FRMD5: variants seen among roughly 807,000 people sequenced by gnomAD.
The protein encoded by FRMD5 is FERM domain-containing protein 5.
Under a neutral mutation model 69.0 loss-of-function variants are expected in FRMD5, and 20 were observed. That is an observed-to-expected ratio of 0.29 (90% confidence interval 0.20 to 0.42). The LOEUF is 0.42. Among genes scored for constraint, FRMD5 ranks in the 10% least tolerant of loss-of-function variants. The pLI is 1.00. For missense variants in FRMD5, 595 were observed against 708.6 expected (o/e 0.84, Z 1.82); for synonymous variants, 271 against 260.1 (o/e 1.04, Z -0.40).
chr15:44,063,484 C>T, intron 1 of FRMD5: 1 of 278,378 alleles, frequency 3.6e-6, no homozygotes, highest in Admixed American at 4.5e-5. Context: ...TCTTCTTGTG[C>T]AGGGCCAGCT....
chr15:44,194,859 G>C (rs1396671164), intron 1 of FRMD5, 94 bp downstream of exon 1: 6 of 1,051,610 alleles, frequency 5.7e-6, no homozygotes, highest in Non-Finnish European at 7.0e-6. Context: ...CTGGGGCTGG[G>C]GCGACCCCTG....
At chr15:44,015,297 G>A (rs1890906563) in intron 1 of FRMD5, among the ~76,000 whole-genome samples, 1 of 152,030 alleles carries the variant, frequency 6.6e-6, no homozygotes, top group African/African-American at 2.4e-5. Context: ...CACCATGCCT[G>A]GCTACATTTT....
chr15:43,894,693 G>A (rs768128844), intron 7 of FRMD5, among the ~76,000 whole-genome samples: 2 of 152,052 alleles, frequency 1.3e-5, no homozygotes, highest in South Asian at 2.1e-4. Context: ...GGGAGGCAGC[G>A]GAGGGCCCCC....
At chr15:43,944,473 G>A (rs184333482) in intron 1 of FRMD5, among the ~76,000 whole-genome samples, 2 of 152,128 alleles carry the variant, frequency 1.3e-5, no homozygotes, top group African/African-American at 2.4e-5. Flanking sequence ...CCAGGCTGGA[G>A]TGCAGTGGCG....
At chr15:43,958,113 T>C (rs999167992) in intron 1 of FRMD5, among the ~76,000 whole-genome samples, 5 of 152,238 alleles carry the variant, frequency 3.3e-5, no homozygotes, top group African/African-American at 4.8e-5. Flanking sequence ...ATACAGTGTA[T>C]ACTCCCCTTT....
intron 1 of FRMD5, among the ~76,000 whole-genome samples, chr15:43,930,253 G>A (rs868685572): frequency 6.6e-6 from 1 of 152,352 alleles, no homozygotes; most frequent in South Asian, 2.1e-4. Context: ...GCAGCTAGAA[G>A]AGCAGCCAGC....
intron 13 of FRMD5, among the ~76,000 whole-genome samples, chr15:43,879,022 C>T (rs1055539282): frequency 2.7e-5 from 4 of 149,240 alleles, no homozygotes; most frequent in African/African-American, 9.9e-5. Flanking sequence ...ACTGCAGCCT[C>T]CGACCCCCGG....
intron 6 of FRMD5, among the ~76,000 whole-genome samples, chr15:43,902,830 G>A (rs1007942916): frequency 1.3e-5 from 2 of 152,194 alleles, no homozygotes; most frequent in African/African-American, 4.8e-5. Context: ...GCTGGAAGCA[G>A]GTCATAGGCT....
chr15:44,195,369 C>A (rs536136858), upstream of FRMD5: 1 of 417,126 alleles, frequency 2.4e-6, no homozygotes. Context: ...GAGTGGCAGA[C>A]CGAAAAGCCA....
intron 1 of FRMD5, among the ~76,000 whole-genome samples, chr15:43,933,449 G>A (rs530684831): frequency 6.6e-6 from 1 of 152,320 alleles, no homozygotes; most frequent in Admixed American, 6.5e-5. Context: ...GGTCTGCTGT[G>A]GGGCCTGGGA....
At chr15:43,908,827 G>C (rs1001075385) in intron 5 of FRMD5, among the ~76,000 whole-genome samples, 1 of 152,124 alleles carries the variant, frequency 6.6e-6, no homozygotes, top group Non-Finnish European at 1.5e-5. Context: ...TTGTTACTTG[G>C]AAACACTTTC....
At chr15:44,005,191 A>C (rs1289791131) in intron 1 of FRMD5, among the ~76,000 whole-genome samples, 1 of 152,192 alleles carries the variant, frequency 6.6e-6, no homozygotes, top group Non-Finnish European at 1.5e-5. Flanking sequence ...GCTATAAAGA[A>C]ATACCTGAGG....
intron 1 of FRMD5, among the ~76,000 whole-genome samples, chr15:44,037,801 A>C (rs1480770039): frequency 6.6e-6 from 1 of 151,472 alleles, no homozygotes; most frequent in Non-Finnish European, 1.5e-5. Flanking sequence ...AATGATTTAT[A>C]ATCCTTTGGT....
At chr15:43,971,623 G>T (rs2090380009) in intron 1 of FRMD5, among the ~76,000 whole-genome samples, 1 of 143,710 alleles carries the variant, frequency 7.0e-6, no homozygotes, top group African/African-American at 2.6e-5. Flanking sequence ...GGTGGAGGTT[G>T]CATCTAAAAA....
intron 1 of FRMD5, among the ~76,000 whole-genome samples, chr15:44,031,384 T>A (rs927015199): frequency 6.6e-6 from 1 of 152,166 alleles, no homozygotes; most frequent in Non-Finnish European, 1.5e-5. Flanking sequence ...CTGGGTGGCT[T>A]ATAAACAACA....
chr15:44,042,466 A>T (rs945556661), intron 1 of FRMD5, among the ~76,000 whole-genome samples: 1 of 152,208 alleles, frequency 6.6e-6, no homozygotes, highest in Non-Finnish European at 1.5e-5. Flanking sequence ...CCTGGCAGAG[A>T]CACAACCAAA....
At chr15:44,085,933 T>C (rs1894179874) in intron 1 of FRMD5, among the ~76,000 whole-genome samples, 1 of 152,040 alleles carries the variant, frequency 6.6e-6, no homozygotes, top group Non-Finnish European at 1.5e-5. Flanking sequence ...CCAAATCACT[T>C]AGCAACTGGT....
rs141851818 is a variant in FRMD5 at position 43,881,629 on chromosome 15, C to T, written c.1135+2074G>A. On this transcript the variant is annotated intron_variant, in intron 13 of 13. Coordinates refer to ENST00000417257, the MANE Select transcript of FRMD5 (RefSeq NM_032892.5). ...CAGAACTCTGCACTGTGCTTGCTGC[C>T]GGCCTGTAAACGCTTTAGTCTCTTT... Among the ~76,000 whole-genome samples the T allele has an allele frequency of 1.6e-4, 25 of 152,268 alleles. 1 individual carries two copies. The East Asian group carries it at 3.5e-3, about 21-fold the overall frequency.
At chr15:44,127,163 G>C (rs903351837) in intron 1 of FRMD5, among the ~76,000 whole-genome samples, 1 of 152,158 alleles carries the variant, frequency 6.6e-6, no homozygotes, top group African/African-American at 2.4e-5. Context: ...GCTCACTGCA[G>C]CCTCCACCTC....
Sources: gnomAD v4.1 joint callset for allele counts (sites outside exome capture counted in the v4.1 genomes callset) on GRCh38, gnomAD v4.1.1 for gene constraint, MANE v1.5 for transcripts, NCBI Gene and HGNC (gene_info 2026-07-23, HGNC 2026-07-21) for gene names.